IGF2R: variants seen among roughly 807,000 people sequenced by gnomAD.
The protein encoded by IGF2R is insulin like growth factor 2 receptor.
In IGF2R, 91 loss-of-function variants were observed where a neutral mutation model predicts 270.6. The observed-to-expected ratio is 0.34, with a 90% confidence interval of 0.28 to 0.40. The LOEUF is 0.40. Among genes scored for constraint, IGF2R ranks in the 10% least tolerant of loss-of-function variants. The probability of loss-of-function intolerance (pLI) is 1.00; values close to 1 mark genes in which losing one functional copy is unlikely to be tolerated. For missense variants in IGF2R, 2,805 were observed against 3,188.3 expected (o/e 0.88, Z 2.90); for synonymous variants, 1,316 against 1,258.9 (o/e 1.05, Z -0.96).
At chr6:160,017,819 T>C (rs1777341246) in intron 4 of IGF2R, among the ~76,000 whole-genome samples, 1 of 152,186 alleles carries the variant, frequency 6.6e-6, no homozygotes, top group African/African-American at 2.4e-5. Flanking sequence ...TGAGGGAATT[T>C]GTCAGTACTA....
In IGF2R at chr6:160,071,770, C is replaced by T. The variant is rs553566310; in HGVS notation, c.4444-140C>T. ...GACCCTTTGCTTTTCCTAATCTGCG[C>T]CTCATCCCACAGGCACATGGAGACA... On this transcript the variant is annotated intron_variant, in intron 31 of 47. Transcript: ENST00000356956. 3.0e-5 allele frequency: 34 copies of T among 1,130,026 alleles called. No homozygotes were observed. The African/African-American group carries it at 4.0e-4, about 13-fold the overall frequency. 70.0% of individuals were successfully genotyped at this position (1,130,026 alleles called of 1,614,324 possible). A position where few individuals can be genotyped will look rare whatever the true frequency, so the allele number is the denominator to read the frequency against.
chr6:160,064,266 G>C, intron 27 of IGF2R, 135 bp from the exon 28 acceptor site: 1 of 975,902 alleles, frequency 1.0e-6, no homozygotes, highest in Non-Finnish European at 1.6e-6. Context: ...TGACAGGAGT[G>C]CATGGTATGG....
In IGF2R at chr6:160,109,263, G is replaced by A. The variant is rs1458752021; in HGVS notation, c.*4179G>A. On this transcript the variant is annotated 3_prime_UTR_variant, in exon 48 of 48. Coordinates refer to ENST00000356956, the MANE Select transcript of IGF2R (RefSeq NM_000876.4). The stretch of plus-strand genomic sequence containing the variant: ...CCCATCCCAGAGAAAGCAGCCTTGG[G>A]ATGCTGGCCTCGGTGACAACCAAGA... The A allele has an allele frequency of 3.3e-5, 5 of 152,166 alleles. No individual in the cohort carries two copies. The highest frequency in any genetic ancestry group is 1.2e-4 in the African/African-American group (5 of 41,434). The allele number at this position is 152,166 out of a possible 1,614,324, so 9.4% of individuals were successfully genotyped here.
At chr6:160,092,599 T>C (rs983382788) in intron 44 of IGF2R, among the ~76,000 whole-genome samples, 2 of 152,264 alleles carry the variant, frequency 1.3e-5, no homozygotes, top group Non-Finnish European at 2.9e-5. Context: ...TATCTCTTCC[T>C]GAGGCTTGCC....
In IGF2R at chr6:160,063,346, G is replaced by A. The variant is rs1778483494; in HGVS notation, c.3671-69G>A. On this transcript the variant is annotated intron_variant, in intron 26 of 47. Transcript: ENST00000356956. ...GCCACTGCGCCCGGCCATTTGTAAA[G>A]CTTTTTGCTTGAAAATGTGAATGCG... is the stretch of plus-strand genomic sequence containing the variant. 4 of 1,278,282 alleles carry A rather than the reference G, an allele frequency of 3.1e-6. No homozygotes were observed. The South Asian group carries it at 4.8e-5, about 15-fold the overall frequency. 79.2% of individuals were successfully genotyped at this position (1,278,282 alleles called of 1,614,324 possible).
intron 13 of IGF2R, 97 bp downstream of exon 13, chr6:160,044,754 C>G (rs1306542915): frequency 1.1e-6 from 1 of 944,608 alleles, no homozygotes; most frequent in Non-Finnish European, 1.6e-6. Context: ...CAAAGCTGAT[C>G]AGACAGATTG....
chr6:160,056,562 C>T (rs769913184), intron 20 of IGF2R, 37 bp downstream of exon 20: 2 of 1,349,586 alleles, frequency 1.5e-6, no homozygotes, highest in South Asian at 1.2e-5. Flanking sequence ...TGCTGAGCTG[C>T]CTGCTGGACA....
At position 160,038,420 on chromosome 6, in the gene IGF2R, G is replaced by A. The variant is rs1021009254; in HGVS notation, c.1316-2140G>A. Among the ~76,000 whole-genome samples the A allele has an allele frequency of 2.6e-5, 4 of 152,334 alleles. No homozygotes were observed. The South Asian group carries it at 6.2e-4, about 24-fold the overall frequency. On this transcript the variant is annotated intron_variant, in intron 10 of 47. Transcript: ENST00000356956. ...TTAAGTAAGAATACGTGTAAGGTAC[G>A]TAGCAATGGTTATTTACAAAATGGA...
At chr6:160,060,329 G>C (rs1011164847) in intron 22 of IGF2R, among the ~76,000 whole-genome samples, 1 of 152,282 alleles carries the variant, frequency 6.6e-6, no homozygotes, top group Non-Finnish European at 1.5e-5. Flanking sequence ...GTTGCAGTGA[G>C]TGTGTAAACC....
chr6:160,075,922 A>G lies in IGF2R; in HGVS notation c.5242A>G (p.Thr1748Ala). The G allele has an allele frequency of 6.2e-7, 1 of 1,613,918 alleles. No homozygotes were observed. Among genetic ancestry groups the G allele is most frequent in the South Asian group, 1.1e-5 (1 of 91,074 alleles). Residue 1748 changes from threonine (T) to alanine (A), a missense_variant, in exon 36 of 48, where the codon ACT becomes GCT. Thr to Ala is a moderately conservative substitution (Grantham distance 58). Coordinates refer to ENST00000356956, the MANE Select transcript of IGF2R (RefSeq NM_000876.4). ...NEIYLNFESS[T>A]PCLADKHFNY... is the part of the protein sequence containing the mutation. ...GATTTACTTGAATTTTGAAAGCAGTACTCCTTGCTTAGCGGACAAGCATTT... is the reference window on the plus strand; with the variant it reads ...GATTTACTTGAATTTTGAAAGCAGTGCTCCTTGCTTAGCGGACAAGCATTT...
chr6:160,045,477 T>C (rs1228612970), intron 13 of IGF2R, among the ~76,000 whole-genome samples: 1 of 152,210 alleles, frequency 6.6e-6, no homozygotes, highest in African/African-American at 2.4e-5. Flanking sequence ...CAGAACTTTT[T>C]GATCCTCCCA....
rs940815476 is a variant in IGF2R at position 160,040,463 on chromosome 6, G to A, written c.1316-97G>A. The A allele has an allele frequency of 6.1e-6, 6 of 986,682 alleles. No homozygotes were observed. In the African/African-American group the frequency reaches 9.8e-5, roughly 16 times the overall value. 61.1% of individuals were successfully genotyped at this position (986,682 alleles called of 1,614,324 possible). ...TGGACCTGAATTTTTTAACGGAGCA[G>A]TTGGCATTGGTCCTGTTCAGTTTCT... On this transcript the variant is annotated intron_variant, in intron 10 of 47. Coordinates refer to ENST00000356956, the MANE Select transcript of IGF2R (RefSeq NM_000876.4).
intron 29 of IGF2R, among the ~76,000 whole-genome samples, chr6:160,066,714 C>T (rs1320183141): frequency 6.6e-6 from 1 of 152,132 alleles, no homozygotes; most frequent in Non-Finnish European, 1.5e-5. Context: ...TCTGTTGACT[C>T]TCTTTTAAAA....
chr6:159,972,059 T>G (rs1783617052), intron 1 of IGF2R, among the ~76,000 whole-genome samples: 1 of 152,214 alleles, frequency 6.6e-6, no homozygotes, highest in South Asian at 2.1e-4. Context: ...GAGATAAAAC[T>G]GGCTAAAATT....
chr6:160,075,730 G>T, intron 35 of IGF2R, 117 bp from the exon 36 acceptor site: 3 of 1,003,182 alleles, frequency 3.0e-6, no homozygotes, highest in South Asian at 1.5e-5. Context: ...TTTAGATGCT[G>T]CTCATTCTCA....
intron 29 of IGF2R, among the ~76,000 whole-genome samples, chr6:160,067,106 C>T (rs1460193331): frequency 6.6e-6 from 1 of 152,210 alleles, no homozygotes; most frequent in East Asian, 1.9e-4. Context: ...GAAGTTCTTC[C>T]TCTGATGGAC....
At chr6:160,022,995 A>C (rs1377769986) in intron 4 of IGF2R, among the ~76,000 whole-genome samples, 1 of 152,186 alleles carries the variant, frequency 6.6e-6, no homozygotes, top group East Asian at 1.9e-4. Context: ...GGGCGGTGTC[A>C]TGAAGGAGTT....
intron 1 of IGF2R, among the ~76,000 whole-genome samples, chr6:159,975,713 A>G (rs1378195889): frequency 1.4e-5 from 2 of 147,012 alleles, no homozygotes; most frequent in African/African-American, 2.5e-5. Flanking sequence ...AAGTATATGT[A>G]TTGTGTATAT....
At chr6:160,077,110 T>C (rs542502962) in intron 36 of IGF2R, among the ~76,000 whole-genome samples, 13 of 152,302 alleles carry the variant, frequency 8.5e-5, no homozygotes, top group African/African-American at 9.6e-5. Flanking sequence ...TCCTGCTGTT[T>C]GGGGCTACTC....
Sources: allele counts gnomAD v4.1 joint callset (sites outside exome capture counted in the v4.1 genomes callset), GRCh38; gene constraint gnomAD v4.1.1; transcripts MANE v1.5; gene names NCBI Gene and HGNC (gene_info 2026-07-23, HGNC 2026-07-21).